Variants in CNOT6L observed in about 807,000 individuals in gnomAD.
The protein encoded by CNOT6L is CCR4-NOT transcription complex subunit 6-like.
In CNOT6L, 7 loss-of-function variants were observed where a neutral mutation model predicts 64.0. That is an observed-to-expected ratio of 0.11 (90% CI 0.06 to 0.21). The LOEUF (loss-of-function observed/expected upper bound fraction) is 0.21, where lower values mean the gene tolerates loss of function less well. Among genes scored for constraint, CNOT6L ranks in the 10% least tolerant of loss-of-function variants. CNOT6L has a pLI of 1.00. For synonymous variants in CNOT6L, 193 were observed against 243.4 expected, an observed-to-expected ratio of 0.79 and a Z score of 1.93; for missense variants, 245 against 669.0, an observed-to-expected ratio of 0.37 and a Z score of 6.99.
chr4:77,755,012 A>C (rs1008957505), intron 5 of CNOT6L, among the ~76,000 whole-genome samples: 2 of 151,380 alleles, frequency 1.3e-5, no homozygotes, highest in Admixed American at 1.3e-4. Flanking sequence ...AAAAAAGATC[A>C]ACAAATTGGA....
At chr4:77,732,284 T>C (rs113272292) in intron 8 of CNOT6L, among the ~76,000 whole-genome samples, 118 of 152,264 alleles carry the variant, frequency 7.7e-4, no homozygotes, top group Middle Eastern at 3.4e-3. Context: ...TAGGATTTAA[T>C]AGAATTGGTT....
At chr4:77,818,922 G>T in intron 1 of CNOT6L, 1 of 595,994 alleles carries the variant, frequency 1.7e-6, no homozygotes, top group South Asian at 1.6e-5. Context: ...TGCCGCGCGT[G>T]TGCCGCACTC....
chr4:77,816,843 C>T (rs1733636708), intron 1 of CNOT6L, among the ~76,000 whole-genome samples: 2 of 152,244 alleles, frequency 1.3e-5, no homozygotes, highest in South Asian at 4.1e-4. Flanking sequence ...TTTCTGTTAT[C>T]TTTACCTTAA....
At position 77,716,346 on chromosome 4, in the gene CNOT6L, A is replaced by ACAGT. The variant is rs368240807; in HGVS notation, c.*4081_*4084dup. On this transcript the variant is annotated 3_prime_UTR_variant, in exon 12 of 12. Coordinates refer to ENST00000504123, the MANE Select transcript of CNOT6L (RefSeq NM_144571.3). ...CTTAGAATCAAATAAGCATTGGGAC[A>ACAGT]CAGTCAATTTTATCATTAGAAAATC... 3 of 152,224 alleles carry ACAGT rather than the reference A, an allele frequency of 2.0e-5. No homozygotes were observed. Among genetic ancestry groups the ACAGT allele is most frequent in the East Asian group, 1.9e-4 (1 of 5,184 alleles). 9.4% of individuals were successfully genotyped at this position (152,224 alleles called of 1,614,324 possible).
chr4:77,738,599 C>T (rs1333959966), intron 8 of CNOT6L, among the ~76,000 whole-genome samples: 23 of 151,748 alleles, frequency 1.5e-4, no homozygotes, highest in Admixed American at 1.5e-3. Context: ...ACTAAAAACA[C>T]AAAATTAGTC....
At chr4:77,763,909 A>G (rs1726517565) in intron 4 of CNOT6L, among the ~76,000 whole-genome samples, 1 of 152,262 alleles carries the variant, frequency 6.6e-6, no homozygotes, top group Admixed American at 6.5e-5. Context: ...AATAACCCAT[A>G]TTAAAAATAC....
chr4:77,759,069 C>G (rs1025650711), intron 4 of CNOT6L, among the ~76,000 whole-genome samples: 2 of 151,826 alleles, frequency 1.3e-5, no homozygotes, highest in East Asian at 3.9e-4. Flanking sequence ...ATATTTAACT[C>G]CTAGCCAGAA....
At chr4:77,747,047 A>G (rs1036409655) in intron 6 of CNOT6L, among the ~76,000 whole-genome samples, 3 of 152,150 alleles carry the variant, frequency 2.0e-5, no homozygotes, top group African/African-American at 7.2e-5. Context: ...TACTAAAAAA[A>G]AAAAAGACTT....
chr4:77,762,724 C>T (rs1726381367), intron 4 of CNOT6L, among the ~76,000 whole-genome samples: 1 of 152,098 alleles, frequency 6.6e-6, no homozygotes, highest in Admixed American at 6.5e-5. Context: ...AGAATCCAGA[C>T]TCAAAAGGTG....
At chr4:77,790,031 G>A (rs1473148293) in intron 1 of CNOT6L, among the ~76,000 whole-genome samples, 2 of 148,374 alleles carry the variant, frequency 1.3e-5, no homozygotes, top group Admixed American at 6.7e-5. Context: ...TATAAAGCAT[G>A]CCCTAAAAAT....
chr4:77,787,767 A>AT (rs1323052536), intron 1 of CNOT6L, among the ~76,000 whole-genome samples: 1 of 152,264 alleles, frequency 6.6e-6, no homozygotes, highest in Non-Finnish European at 1.5e-5. Context: ...GCTACTACAT[A>AT]TAAGTTATTT....
At chr4:77,802,252 T>C (rs1227319805) in intron 1 of CNOT6L, among the ~76,000 whole-genome samples, 4 of 152,192 alleles carry the variant, frequency 2.6e-5, no homozygotes, top group African/African-American at 9.6e-5. Flanking sequence ...TATGTCAGCA[T>C]TGATTCTCTA....
At chr4:77,727,681 AT>A (rs1321315705) in intron 10 of CNOT6L, among the ~76,000 whole-genome samples, 1 of 151,958 alleles carries the variant, frequency 6.6e-6, no homozygotes, top group African/African-American at 2.4e-5. Flanking sequence ...TACCAAAGTC[AT>A]TTCACTATGT....
chr4:77,788,125 C>T (rs1008916163), intron 1 of CNOT6L, among the ~76,000 whole-genome samples: 2 of 152,188 alleles, frequency 1.3e-5, no homozygotes, highest in Non-Finnish European at 2.9e-5. Flanking sequence ...AGCTCGATCA[C>T]ATTCCAAGAT....
intron 1 of CNOT6L, among the ~76,000 whole-genome samples, chr4:77,776,949 C>T (rs1004305922): frequency 3.3e-5 from 5 of 152,070 alleles, no homozygotes; most frequent in South Asian, 2.1e-4. Flanking sequence ...CTGGCAGCCA[C>T]GCAACAACGA....
intron 3 of CNOT6L, 143 bp from the exon 4 acceptor site, chr4:77,773,309 T>C (rs548982815): frequency 4.1e-5 from 23 of 555,420 alleles, no homozygotes; most frequent in Admixed American, 1.9e-4. Flanking sequence ...TCCAAAAACA[T>C]TGCACAATAT....
chr4:77,787,504 C>T (rs531402390), intron 1 of CNOT6L, among the ~76,000 whole-genome samples: 1 of 152,284 alleles, frequency 6.6e-6, no homozygotes, highest in African/African-American at 2.4e-5. Flanking sequence ...TAAAAGCAAA[C>T]TATAGCATGG....
At position 77,729,190 on chromosome 4, in the gene CNOT6L, C is replaced by T. The variant is rs1481263101; in HGVS notation, c.1025-109G>A. 4 of 760,080 alleles carry T rather than the reference C, an allele frequency of 5.3e-6. No individual in the cohort carries two copies. In the African/African-American group the frequency reaches 7.0e-5, roughly 13 times the overall value. The allele number at this position is 760,080 out of a possible 1,614,324, so 47.1% of individuals were successfully genotyped here. On this transcript the variant is annotated intron_variant, in intron 9 of 11. Transcript: ENST00000504123. ...TCCACAGCTACTTCTTTACTCTTTT[C>T]CATGAATTTATAACTTCCCTTTTAT...
At chr4:77,760,903 A>T (rs1726152775) in intron 4 of CNOT6L, among the ~76,000 whole-genome samples, 1 of 77,600 alleles carries the variant, frequency 1.3e-5, no homozygotes, top group Non-Finnish European at 2.5e-5. Context: ...TTTAAGGAAG[A>T]GACAGGGTTT....
Sources: allele counts gnomAD v4.1 joint callset (sites outside exome capture counted in the v4.1 genomes callset), GRCh38; gene constraint gnomAD v4.1.1; transcripts MANE v1.5; gene names NCBI Gene and HGNC (gene_info 2026-07-23, HGNC 2026-07-21).